DMD: variants seen among roughly 807,000 people sequenced by gnomAD.
The protein encoded by DMD is mutant dystrophin.
DMD carries 63 observed loss-of-function variants against 330.1 expected under a neutral mutation model. The ratio of observed to expected loss-of-function variants is 0.19; its 90% confidence interval spans 0.16 to 0.24. DMD has a LOEUF of 0.24. Among genes scored for constraint, DMD ranks in the 10% least tolerant of loss-of-function variants. DMD has a pLI of 1.00. For synonymous variants in DMD, 1,223 were observed against 959.8 expected (o/e 1.27, Z -5.07); for missense variants, 3,344 against 2,684.1 (o/e 1.25, Z -5.43).
chrX:32,254,840 G>T (rs2097292032), intron 43 of DMD, among the ~76,000 whole-genome samples: 1 of 111,811 alleles, frequency 8.9e-6, no homozygotes, highest in African/African-American at 3.3e-5. Flanking sequence ...TTTTTTAACT[G>T]TGGGAAAATA....
At chrX:31,877,667 T>TTTTG (rs113520900) in intron 47 of DMD, among the ~76,000 whole-genome samples, 7 of 102,359 alleles carry the variant, frequency 6.8e-5, no homozygotes, top group East Asian at 3.1e-4. Context: ...TGCTGAACTC[T>TTTTG]TGTGTGTGTG....
intron 42 of DMD, among the ~76,000 whole-genome samples, chrX:32,297,387 C>T (rs2097502358): frequency 1.8e-5 from 2 of 109,743 alleles, no homozygotes; most frequent in African/African-American, 3.3e-5. Flanking sequence ...AATTCTCCTG[C>T]CTCAGCCTCC....
At chrX:32,613,984 A>G (rs951009047) in intron 12 of DMD, among the ~76,000 whole-genome samples, 3 of 109,979 alleles carry the variant, frequency 2.7e-5, no homozygotes, top group Non-Finnish European at 5.7e-5. Flanking sequence ...TGCATGGTGG[A>G]GGGTCAAGAG....
intron 62 of DMD, among the ~76,000 whole-genome samples, chrX:31,269,572 T>C (rs900021408): frequency 3.6e-5 from 4 of 112,022 alleles, no homozygotes; most frequent in African/African-American, 9.7e-5. Flanking sequence ...TGAAGAGACA[T>C]GGCTTCTTTT....
chrX:32,412,803 C>A (rs2098148776), intron 29 of DMD, among the ~76,000 whole-genome samples: 1 of 110,867 alleles, frequency 9.0e-6, no homozygotes, highest in African/African-American at 3.3e-5. Context: ...ACTTTCTTTC[C>A]CACAGAGCAT....
rs142792365 is a variant in DMD at position 33,316,287 on chromosome X, A to G, written c.7+22972T>C. Among the ~76,000 whole-genome samples, 407 of 111,096 alleles carry G rather than the reference A, an allele frequency of 3.7e-3. 1 individual carries two copies. Among genetic ancestry groups the G allele is most frequent in the African/African-American group, 0.013 (394 of 30,650 alleles). ...TATCAATATCTTTAAAGGGATAAAG[A>G]TTATTAATGTAAAATTGAACTAGGA... On this transcript the variant is annotated intron_variant, in intron 1 of 17. Coordinates refer to the DMD transcript ENST00000288447.
intron 13 of DMD, among the ~76,000 whole-genome samples, chrX:32,589,392 G>A (rs961070310): frequency 3.6e-5 from 4 of 110,461 alleles, no homozygotes; most frequent in African/African-American, 1.3e-4. Context: ...TTGTTTCAAA[G>A]TAAGCATGTG....
chrX:31,703,299 T>C (rs1350185223), intron 52 of DMD, among the ~76,000 whole-genome samples: 1 of 112,602 alleles, frequency 8.9e-6, no homozygotes, highest in Non-Finnish European at 1.9e-5. Context: ...GTGATGCCTA[T>C]ACTCCAGCTT....
At chrX:31,792,876 C>T (rs1358059328) in intron 50 of DMD, among the ~76,000 whole-genome samples, 1 of 111,838 alleles carries the variant, frequency 8.9e-6, no homozygotes, top group East Asian at 2.8e-4. Context: ...GGCAGCTGCC[C>T]TCCACCAGCA....
At chrX:32,112,312 T>C (rs144568086) in intron 44 of DMD, among the ~76,000 whole-genome samples, 1,736 of 111,896 alleles carry the variant, frequency 0.016, 34 homozygotes, top group African/African-American at 0.054. Flanking sequence ...AGGTCTGAGA[T>C]GAGGCCTGAG....
At chrX:32,614,044 C>T (rs993853235) in intron 12 of DMD, among the ~76,000 whole-genome samples, 1 of 110,469 alleles carries the variant, frequency 9.1e-6, no homozygotes, top group Non-Finnish European at 1.9e-5. Flanking sequence ...TGATCCTATT[C>T]TTAAGGGAGG....
chrX:31,572,767 C>A (rs2075891205), intron 55 of DMD, among the ~76,000 whole-genome samples: 1 of 112,439 alleles, frequency 8.9e-6, no homozygotes, highest in South Asian at 3.7e-4. Flanking sequence ...TATCTTACCT[C>A]ACATTCATCT....
intron 51 of DMD, among the ~76,000 whole-genome samples, chrX:31,764,242 T>C (rs2089838509): frequency 9.0e-6 from 1 of 111,676 alleles, no homozygotes; most frequent in African/African-American, 3.3e-5. Context: ...CCTGCTTGCA[T>C]TCTTTCCAAC....
intron 52 of DMD, among the ~76,000 whole-genome samples, chrX:31,711,458 T>C (rs1361941099): frequency 4.5e-5 from 5 of 111,121 alleles, no homozygotes; most frequent in Non-Finnish European, 9.5e-5. Flanking sequence ...CTACAAATCT[T>C]TTTTTTTATT....
At chrX:32,070,815 TG>T (rs768147102) in intron 44 of DMD, among the ~76,000 whole-genome samples, 1 of 110,447 alleles carries the variant, frequency 9.1e-6, no homozygotes, top group African/African-American at 3.3e-5. Flanking sequence ...TTTGGAGACT[TG>T]GGGGGTAGAA....
rs1351111297 is a variant in DMD, at chrX:32,072,342, A to G, written c.6439-103828T>C. On this transcript the variant is annotated intron_variant, in intron 44 of 78. Coordinates refer to ENST00000357033, the MANE Select transcript of DMD (RefSeq NM_004006.3). Reference sequence around the variant, plus strand: ...TGTTATTTATATTGCAATATTTTATATAAATTAATTTACTCCTTAGGAGGA... The same window carrying G: ...TGTTATTTATATTGCAATATTTTATGTAAATTAATTTACTCCTTAGGAGGA... Among the ~76,000 whole-genome samples the G allele has an allele frequency of 2.7e-5, 3 of 111,653 alleles. No individual in the cohort carries two copies. The East Asian group carries it at 8.4e-4, about 31-fold the overall frequency.
intron 12 of DMD, among the ~76,000 whole-genome samples, chrX:32,601,016 T>A (rs928133069): frequency 2.7e-5 from 3 of 111,461 alleles, no homozygotes; most frequent in African/African-American, 9.8e-5. Flanking sequence ...GTGTTAGGAT[T>A]TCTTGGGAAA....
chrX:33,236,189 T>A (rs1286653762), intron 1 of DMD, among the ~76,000 whole-genome samples: 3 of 108,960 alleles, frequency 2.8e-5, no homozygotes, highest in African/African-American at 1.0e-4. Flanking sequence ...GTGCTGGGAT[T>A]ACAGGTGTGA....
intron 47 of DMD, among the ~76,000 whole-genome samples, chrX:31,900,717 T>C (rs979917062): frequency 9.0e-6 from 1 of 110,882 alleles, no homozygotes; most frequent in Admixed American, 9.6e-5. Context: ...GAAAGGAAAA[T>C]GTGGGACAGT....
Sources: allele counts gnomAD v4.1 joint callset (sites outside exome capture counted in the v4.1 genomes callset), GRCh38; gene constraint gnomAD v4.1.1; transcripts MANE v1.5; gene names NCBI Gene and HGNC (gene_info 2026-07-23, HGNC 2026-07-21).